The following CSMD2 variants were observed in gnomAD, a reference collection of about 807,000 sequenced individuals.
CSMD2 encodes the protein CUB and sushi domain-containing protein 2.
A neutral mutation model predicts 398.5 loss-of-function variants in CSMD2; 130 were observed. The ratio of observed to expected loss-of-function variants is 0.33; its 90% CI spans 0.28 to 0.38. The LOEUF is 0.38. Among genes scored for constraint, CSMD2 ranks in the 10% least tolerant of loss-of-function variants. The pLI is 1.00. For missense variants in CSMD2, 3,829 were observed against 4,764.9 expected (o/e 0.80, Z 5.78); for synonymous variants, 1,828 against 1,908.5 (o/e 0.96, Z 1.10).
chr1:33,778,186 G>T (rs1192312666), intron 12 of CSMD2, among the ~76,000 whole-genome samples: 1 of 151,886 alleles, frequency 6.6e-6, no homozygotes, highest in Admixed American at 6.6e-5. Context: ...TTCTTTCTTT[G>T]CACCCCATTC....
chr1:34,128,757 G>A (rs1011004830), intron 1 of CSMD2, among the ~76,000 whole-genome samples: 5 of 152,148 alleles, frequency 3.3e-5, no homozygotes, highest in Non-Finnish European at 7.4e-5. Context: ...TCCACACAGA[G>A]CCTGAAGTGT....
chr1:34,020,950 C>T lies in CSMD2; in HGVS notation c.517+11644G>A, dbSNP rs886585311. 7.2e-5 allele frequency among the ~76,000 whole-genome samples: 11 copies of T among 152,144 alleles called. No individual in the cohort carries two copies. The South Asian group carries it at 1.0e-3, about 14-fold the overall frequency. On this transcript the variant is annotated intron_variant, in intron 3 of 70. Coordinates refer to ENST00000373381, the MANE Select transcript of CSMD2 (RefSeq NM_001281956.2). The stretch of plus-strand genomic sequence containing the variant: ...AACAACTCCTATCATGTAACGGCAT[C>T]CACAGGGGAAGGACAGGGATGCCAT...
chr1:33,730,574 A>G (rs34606908), intron 15 of CSMD2, among the ~76,000 whole-genome samples: 5 of 151,824 alleles, frequency 3.3e-5, no homozygotes, highest in African/African-American at 1.2e-4. Context: ...ATTTTAAAAC[A>G]CAATAATTTG....
intron 14 of CSMD2, among the ~76,000 whole-genome samples, chr1:33,741,966 T>A (rs1013300506): frequency 6.6e-6 from 1 of 152,228 alleles, no homozygotes; most frequent in Admixed American, 6.5e-5. Flanking sequence ...TCCGTAAACA[T>A]TTGCTGATCC....
At chr1:33,826,912 GACA>G (rs1177829392) in intron 6 of CSMD2, among the ~76,000 whole-genome samples, 1 of 152,206 alleles carries the variant, frequency 6.6e-6, no homozygotes, top group Non-Finnish European at 1.5e-5. Context: ...CAGGAGTGGT[GACA>G]ACAACTGTAA....
intron 2 of CSMD2, among the ~76,000 whole-genome samples, chr1:34,079,623 A>G (rs1413595937): frequency 6.6e-6 from 1 of 152,210 alleles, no homozygotes; most frequent in Non-Finnish European, 1.5e-5. Context: ...TTTGGAAACC[A>G]AGGAATACAG....
At chr1:33,667,294 T>C (rs540978136) in intron 25 of CSMD2, among the ~76,000 whole-genome samples, 14 of 152,260 alleles carry the variant, frequency 9.2e-5, no homozygotes, top group South Asian at 2.1e-4. Context: ...TAAATAGACA[T>C]GAAGGAAAAC....
intron 44 of CSMD2, chr1:33,592,262 G>T (rs559430472): frequency 1.5e-6 from 1 of 659,512 alleles, no homozygotes; most frequent in Admixed American, 2.2e-5. Flanking sequence ...GGTCCACATG[G>T]AAAGTAGAAG....
intron 59 of CSMD2, 22 bp from the exon 60 acceptor site, chr1:33,540,720 C>G: frequency 1.2e-6 from 2 of 1,613,528 alleles, no homozygotes; most frequent in Non-Finnish European, 1.7e-6. Context: ...CCAAAGCAGG[C>G]TGAGTTCTGA....
At chr1:34,023,631 GT>G (rs1649231690) in intron 3 of CSMD2, among the ~76,000 whole-genome samples, 2 of 152,090 alleles carry the variant, frequency 1.3e-5, no homozygotes, top group Non-Finnish European at 2.9e-5. Flanking sequence ...AAAGAATTGG[GT>G]TTTTTTCACT....
chr1:33,602,586 G>A (rs745649930), intron 42 of CSMD2, 40 bp from the exon 43 acceptor site: 2 of 1,482,028 alleles, frequency 1.3e-6, no homozygotes, highest in Non-Finnish European at 1.8e-6. Context: ...CAGGGCCTCG[G>A]TACCCACCTG....
At chr1:33,522,635 C>G (rs1260040652) in intron 67 of CSMD2, among the ~76,000 whole-genome samples, 3 of 152,216 alleles carry the variant, frequency 2.0e-5, no homozygotes, top group African/African-American at 7.2e-5. Context: ...CTCCCTAGCT[C>G]TCTGCTACTC....
chr1:33,851,061 G>C (rs552778044), intron 5 of CSMD2, among the ~76,000 whole-genome samples: 6 of 152,290 alleles, frequency 3.9e-5, no homozygotes, highest in South Asian at 2.1e-4. Context: ...TGTAAGTCGA[G>C]GGGGAGGAGT....
At chr1:33,894,288 G>A (rs1273659009) in intron 5 of CSMD2, among the ~76,000 whole-genome samples, 1 of 152,150 alleles carries the variant, frequency 6.6e-6, no homozygotes, top group Admixed American at 6.5e-5. Flanking sequence ...GGTGGTGCCA[G>A]TGTCCTTCCT....
At chr1:33,718,616 G>A (rs940928856) in intron 19 of CSMD2, among the ~76,000 whole-genome samples, 2 of 152,302 alleles carry the variant, frequency 1.3e-5, no homozygotes, top group East Asian at 1.9e-4. Context: ...TCAGCACTGG[G>A]GGACTTACTA....
At chr1:33,895,928 C>G (rs1456274431) in intron 5 of CSMD2, among the ~76,000 whole-genome samples, 17 of 152,168 alleles carry the variant, frequency 1.1e-4, no homozygotes, top group Admixed American at 1.1e-3. Flanking sequence ...CCTGCTGGCA[C>G]CTTGACCCAG....
intron 7 of CSMD2, among the ~76,000 whole-genome samples, chr1:33,821,502 C>T (rs1412935382): frequency 6.6e-6 from 1 of 152,196 alleles, no homozygotes; most frequent in Admixed American, 6.5e-5. Flanking sequence ...ACAGCAACCT[C>T]TAGACAAGGG....
chr1:34,010,753 G>C (rs1178493819), intron 3 of CSMD2, among the ~76,000 whole-genome samples: 2 of 152,076 alleles, frequency 1.3e-5, no homozygotes, highest in Non-Finnish European at 2.9e-5. Flanking sequence ...TGAGTAGCTG[G>C]GACTACAGGC....
At chr1:33,565,003 C>G (rs1475938408) in intron 53 of CSMD2, among the ~76,000 whole-genome samples, 2 of 152,118 alleles carry the variant, frequency 1.3e-5, no homozygotes, top group Non-Finnish European at 2.9e-5. Flanking sequence ...ATAGAAAACC[C>G]AGGCCTGCAG....
Sources: gnomAD v4.1 joint callset for allele counts (sites outside exome capture counted in the v4.1 genomes callset) on GRCh38, gnomAD v4.1.1 for gene constraint, MANE v1.5 for transcripts, NCBI Gene and HGNC (gene_info 2026-07-23, HGNC 2026-07-21) for gene names.